MAP9: variants seen among roughly 807,000 people sequenced by gnomAD.
The protein encoded by MAP9 is microtubule-associated protein 9.
A neutral mutation model predicts 75.2 loss-of-function variants in MAP9; 80 were observed. The ratio of observed to expected loss-of-function variants is 1.06; its 90% CI spans 0.89 to 1.28. The LOEUF (loss-of-function observed/expected upper bound fraction) is 1.28, where lower values mean the gene tolerates loss of function less well. MAP9 is among the 50% of genes most tolerant of loss of function. The pLI is 0.00. For synonymous variants in MAP9, 235 were observed against 237.3 expected, an observed-to-expected ratio of 0.99 and a Z score of 0.09; for missense variants, 753 against 719.9, an observed-to-expected ratio of 1.05 and a Z score of -0.53.
intron 2 of MAP9, among the ~76,000 whole-genome samples, chr4:155,375,253 A>T (rs1732788619): frequency 6.6e-6 from 1 of 152,202 alleles, no homozygotes; most frequent in Non-Finnish European, 1.5e-5. Context: ...CAGTTTAACT[A>T]GAGGAGACAC....
In MAP9 at chr4:155,346,173, C is replaced by A. The variant is rs535427311; in HGVS notation, c.*1610G>T. The A allele has an allele frequency of 4.6e-5, 7 of 152,120 alleles. No individual in the cohort carries two copies. Among genetic ancestry groups the A allele is most frequent in the Non-Finnish European group, 1.0e-4 (7 of 68,012 alleles). 9.4% of individuals were successfully genotyped at this position (152,120 alleles called of 1,614,324 possible). A position where few individuals can be genotyped will look rare whatever the true frequency, so the allele number is the denominator to read the frequency against. ...GAAGGCTGATGCTCAGTATGTGGAA[C>A]GTCTGGAGTGATCATCTCAAAGCCT... On this transcript the variant is annotated 3_prime_UTR_variant, in exon 14 of 14. Transcript: ENST00000311277.
Position 155,367,751 on chromosome 4 carries a change from T to C in MAP9, c.708+835A>G, listed in dbSNP as rs568816421. Among the ~76,000 whole-genome samples, 5 of 152,338 alleles carry C rather than the reference T, an allele frequency of 3.3e-5. No individual in the cohort carries two copies. In the South Asian group the frequency reaches 1.0e-3, roughly 32 times the overall value. On this transcript the variant is annotated intron_variant, in intron 5 of 13. Transcript: ENST00000311277. ...ATTGTGCTTCCTAATACTTCCAGTC[T>C]GAATTAGGGGGATTCCCCCATTTAG...
intron 4 of MAP9, among the ~76,000 whole-genome samples, chr4:155,370,621 T>C (rs1732550144): frequency 6.6e-6 from 1 of 151,984 alleles, no homozygotes; most frequent in South Asian, 2.1e-4. Flanking sequence ...GAATATTATA[T>C]AATGCCTGAA....
Position 155,360,405 on chromosome 4 carries a change from T to C in MAP9, c.813A>G (p.Glu271=). Reference sequence around the variant, plus strand: ...AGGAATTATGGTTTTCAGTGATTTCTTCATTTGGATCTATTTTGAGACAGA... The same window carrying C: ...AGGAATTATGGTTTTCAGTGATTTCCTCATTTGGATCTATTTTGAGACAGA... The part of the protein sequence containing the change: ...EGNASGKDPN[E]EITENHNSLK... The change falls in exon 7 of 14, where the codon GAA becomes GAG. Residue 271 remains glutamate, a synonymous_variant. Coordinates refer to ENST00000311277, the MANE Select transcript of MAP9 (RefSeq NM_001039580.2). 6.2e-7 allele frequency: 1 copy of C among 1,610,144 alleles called. No homozygotes were observed. Among genetic ancestry groups the C allele is most frequent in the East Asian group, 2.2e-5 (1 of 44,784 alleles).
intron 5 of MAP9, 185 bp from the exon 6 acceptor site, chr4:155,362,326 G>A (rs574767686): frequency 8.5e-6 from 4 of 468,672 alleles, no homozygotes; most frequent in African/African-American, 8.2e-5. Flanking sequence ...TTACTTTCAA[G>A]CCTTGATGTC....
chr4:155,361,643 G>A (rs1560810546), intron 6 of MAP9, among the ~76,000 whole-genome samples: 3 of 151,964 alleles, frequency 2.0e-5, no homozygotes, highest in Non-Finnish European at 4.4e-5. Flanking sequence ...CTTTGCTTAT[G>A]TAATTGTGCC....
chr4:155,375,805 G>A lies in MAP9; in HGVS notation c.46C>T (p.Pro16Ser). ...FSTTLAYTKS[P>S]KVTKRTTFQD... ...AAAGTAGTTCTTTTGGTAACTTTTG[G>A]ACTCTTTGTATATGCCAAAGTGGTG... is the stretch of plus-strand genomic sequence containing the variant. The change falls in exon 2 of 14, where the codon CCA (proline) becomes TCA (serine). Residue 16 changes from proline to serine, a missense_variant. Pro to Ser is a moderately conservative substitution (Grantham distance 74). Coordinates refer to ENST00000311277, the MANE Select transcript of MAP9 (RefSeq NM_001039580.2). 4 of 1,609,730 alleles carry A rather than the reference G, an allele frequency of 2.5e-6. No individual in the cohort carries two copies. The highest frequency in any genetic ancestry group is 3.4e-6 in the Non-Finnish European group (4 of 1,177,208).
intron 8 of MAP9, 91 bp from the exon 9 acceptor site, chr4:155,355,975 A>C (rs566077356): frequency 1.7e-6 from 2 of 1,182,408 alleles, no homozygotes; most frequent in African/African-American, 3.1e-5. Context: ...AATATTTGAA[A>C]ACTGGCCAGG....
rs747647036 is a variant in MAP9, at chr4:155,360,416, C to A, written c.803-1G>T. 3 of 1,608,282 alleles carry A rather than the reference C, an allele frequency of 1.9e-6. No homozygotes were observed. On this transcript the variant is annotated splice_acceptor_variant, in intron 6 of 13. Coordinates refer to ENST00000311277, the MANE Select transcript of MAP9 (RefSeq NM_001039580.2). LOFTEE classifies it high-confidence loss of function. ...TTTTCAGTGATTTCTTCATTTGGAT[C>A]TATTTTGAGACAGAGTAATAGCATT...
intron 7 of MAP9, among the ~76,000 whole-genome samples, chr4:155,359,210 T>TATACAC (rs371399839): frequency 4.1e-5 from 6 of 145,580 alleles, no homozygotes; most frequent in South Asian, 2.2e-4. Context: ...AAAATGTGTA[T>TATACAC]ACACACACAC....
At chr4:155,355,934 A>G in intron 8 of MAP9, 50 bp from the exon 9 acceptor site, 1 of 1,488,958 alleles carries the variant, frequency 6.7e-7, no homozygotes, top group Non-Finnish European at 9.3e-7. Flanking sequence ...TGCATTTGGT[A>G]GAAGAGAGAT....
chr4:155,372,454 TTCTA>T (rs1000811125), intron 4 of MAP9, among the ~76,000 whole-genome samples: 9 of 152,306 alleles, frequency 5.9e-5, no homozygotes, highest in African/African-American at 1.9e-4. Context: ...CTCCGTTTCA[TTCTA>T]TCTTTGTTCC....
intron 13 of MAP9, among the ~76,000 whole-genome samples, chr4:155,351,895 T>C (rs552574663): frequency 8.5e-4 from 129 of 152,122 alleles, no homozygotes; most frequent in African/African-American, 3.0e-3. Context: ...TAACTATTCA[T>C]ATGAATGTGT....
Position 155,360,352 on chromosome 4 carries a change from G to T in MAP9, c.866C>A (p.Ser289Ter), listed in dbSNP as rs974406750. 1.2e-6 allele frequency: 2 copies of T among 1,611,778 alleles called. No homozygotes were observed. The highest frequency in any genetic ancestry group is 1.3e-5 in the African/African-American group (1 of 74,812). Residue 289 changes from serine to a stop codon, truncating the protein, a stop_gained, in exon 7 of 14, where the codon TCA becomes TAA. Coordinates refer to ENST00000311277, the MANE Select transcript of MAP9 (RefSeq NM_001039580.2). LOFTEE classifies it high-confidence loss of function. ...SLKSDENKEN[S>*]FSADHVTTAV... The stretch of plus-strand genomic sequence containing the variant: ...AGTAGTCACATGGTCTGCTGAAAAT[G>T]AATTCTCTTTATTTTCATCTGATTT...
intron 13 of MAP9, chr4:155,349,468 A>G (rs996611974): frequency 2.0e-5 from 3 of 152,156 alleles, no homozygotes; most frequent in African/African-American, 7.2e-5. Flanking sequence ...GTATGTATGC[A>G]TCTTTTCATC....
intron 5 of MAP9, among the ~76,000 whole-genome samples, chr4:155,363,716 C>A (rs1228684945): frequency 6.6e-6 from 1 of 151,908 alleles, no homozygotes; most frequent in Non-Finnish European, 1.5e-5. Context: ...TAAAACAAAA[C>A]AAAATAATTT....
intron 13 of MAP9, chr4:155,350,260 G>C: frequency 8.8e-6 from 4 of 454,448 alleles, no homozygotes; most frequent in Non-Finnish European, 1.8e-5. Context: ...ATTTCAATAA[G>C]AATTTGGTAA....
chr4:155,364,819 A>G (rs1362592631), intron 5 of MAP9, among the ~76,000 whole-genome samples: 2 of 151,486 alleles, frequency 1.3e-5, no homozygotes, highest in African/African-American at 2.4e-5. Flanking sequence ...ATAGATTGTG[A>G]TAATTTTCAG....
chr4:155,352,328 T>C (rs1025455095), intron 13 of MAP9: 2 of 308,726 alleles, frequency 6.5e-6, no homozygotes, highest in Non-Finnish European at 1.2e-5. Flanking sequence ...TGGGCATGAA[T>C]AGTAAATGGT....
Sources: gnomAD v4.1 joint callset for allele counts (sites outside exome capture counted in the v4.1 genomes callset) on GRCh38, gnomAD v4.1.1 for gene constraint, MANE v1.5 for transcripts, NCBI Gene and HGNC (gene_info 2026-07-23, HGNC 2026-07-21) for gene names.